Variants in CTNNA3 observed in about 807,000 individuals in gnomAD.
The protein encoded by CTNNA3 is catenin alpha 3, also known as catenin alpha-3.
In CTNNA3, 76 loss-of-function variants were observed where a neutral mutation model predicts 95.7. The ratio of observed to expected loss-of-function variants is 0.79; its 90% CI spans 0.66 to 0.96. CTNNA3 has a LOEUF of 0.96. CTNNA3 is among the 40% of genes least tolerant of loss of function. CTNNA3 has a pLI of 0.00. For missense variants in CTNNA3, 1,191 were observed against 1,089.8 expected (o/e 1.09, Z -1.31); for synonymous variants, 431 against 374.4 (o/e 1.15, Z -1.74).
chr10:66,651,648 G>GTGTCTGCC (rs1554830215), intron 9 of CTNNA3, among the ~76,000 whole-genome samples: 1 of 19,954 alleles, frequency 5.0e-5, no homozygotes, highest in African/African-American at 4.3e-4. Flanking sequence ...TTCCAGCGCA[G>GTGTCTGCC]TGCCCGCCGG....
intron 5 of CTNNA3, among the ~76,000 whole-genome samples, chr10:67,439,734 C>A (rs1216553578): frequency 3.9e-5 from 6 of 152,096 alleles, no homozygotes; most frequent in African/African-American, 1.2e-4. Flanking sequence ...GGGAACCTGC[C>A]CAGAAGGGAG....
intron 10 of CTNNA3, among the ~76,000 whole-genome samples, chr10:66,577,936 A>T (rs1843058226): frequency 6.6e-6 from 1 of 151,904 alleles, no homozygotes; most frequent in African/African-American, 2.4e-5. Context: ...AACAATTCTG[A>T]TTCTTCCTAT....
intron 13 of CTNNA3, among the ~76,000 whole-genome samples, chr10:66,179,980 T>A (rs1415608973): frequency 6.6e-6 from 1 of 152,162 alleles, no homozygotes; most frequent in African/African-American, 2.4e-5. Flanking sequence ...TTGCTTTTTT[T>A]CTATCTTAGA....
chr10:67,564,905 T>C (rs1176297972), intron 3 of CTNNA3, among the ~76,000 whole-genome samples: 3 of 110,096 alleles, frequency 2.7e-5, no homozygotes, highest in Admixed American at 8.7e-5. Context: ...AAAGTGGGCA[T>C]AGAAGGAATC....
intron 6 of CTNNA3, among the ~76,000 whole-genome samples, chr10:67,200,135 T>C (rs768165097): frequency 3.2e-4 from 48 of 152,184 alleles, no homozygotes; most frequent in Admixed American, 5.2e-4. Flanking sequence ...TGGGTCCTGA[T>C]GAAAACTAAT....
chr10:66,114,494 A>G (rs2082246364), intron 13 of CTNNA3, among the ~76,000 whole-genome samples: 1 of 146,752 alleles, frequency 6.8e-6, no homozygotes, highest in African/African-American at 2.5e-5. Context: ...ATGTGTATAT[A>G]TGTGTGCATA....
intron 15 of CTNNA3, among the ~76,000 whole-genome samples, chr10:66,044,944 C>T (rs914363672): frequency 2.0e-5 from 3 of 151,838 alleles, no homozygotes; most frequent in African/African-American, 7.2e-5. Context: ...ATTGATTTGT[C>T]CATACCACAG....
chr10:66,031,751 C>T (rs2079453005), intron 15 of CTNNA3, among the ~76,000 whole-genome samples: 1 of 152,004 alleles, frequency 6.6e-6, no homozygotes, highest in Non-Finnish European at 1.5e-5. Context: ...TATAAAATAA[C>T]CTTGCAGAGT....
intron 15 of CTNNA3, among the ~76,000 whole-genome samples, chr10:66,038,736 T>A (rs193262349): frequency 2.6e-5 from 4 of 152,212 alleles, no homozygotes; most frequent in African/African-American, 7.2e-5. Flanking sequence ...GAAGTTTCCC[T>A]GGATACCTCA....
At chr10:66,678,582 T>G (rs534400513) in intron 9 of CTNNA3, among the ~76,000 whole-genome samples, 90 of 152,102 alleles carry the variant, frequency 5.9e-4, no homozygotes, top group Non-Finnish European at 1.2e-3. Context: ...AAAGTCAAAG[T>G]TAGACAGGAA....
intron 9 of CTNNA3, among the ~76,000 whole-genome samples, chr10:66,749,548 T>A (rs949621247): frequency 6.6e-6 from 1 of 152,188 alleles, no homozygotes; most frequent in Admixed American, 6.5e-5. Flanking sequence ...GGTAGCTCAT[T>A]TTTTTGTGTT....
intron 13 of CTNNA3, among the ~76,000 whole-genome samples, chr10:66,154,458 G>A (rs2084371476): frequency 6.6e-6 from 1 of 151,438 alleles, no homozygotes. Flanking sequence ...ATCTTCTGCT[G>A]CAAAGGATGT....
chr10:67,262,020 T>C (rs1280749469), intron 5 of CTNNA3, among the ~76,000 whole-genome samples: 1 of 152,162 alleles, frequency 6.6e-6, no homozygotes, highest in African/African-American at 2.4e-5. Context: ...TAATACTCAA[T>C]ACACTTTAAT....
At chr10:66,098,217 T>C (rs1339231895) in intron 14 of CTNNA3, among the ~76,000 whole-genome samples, 1 of 152,188 alleles carries the variant, frequency 6.6e-6, no homozygotes, top group Non-Finnish European at 1.5e-5. Context: ...TTTATAATAT[T>C]GACTCTATAA....
intron 7 of CTNNA3, among the ~76,000 whole-genome samples, chr10:66,786,244 A>C (rs1840737235): frequency 6.6e-6 from 1 of 151,820 alleles, no homozygotes; most frequent in Non-Finnish European, 1.5e-5. Flanking sequence ...CTCTCCTCAA[A>C]TTACCAGCTT....
chr10:65,995,360 GTTTGATTCTGGGTGCA>G (rs1205046432), intron 15 of CTNNA3, among the ~76,000 whole-genome samples: 9 of 152,160 alleles, frequency 5.9e-5, no homozygotes, highest in Non-Finnish European at 1.3e-4. Flanking sequence ...GGACACTTTA[GTTTGATTCTGGGTGCA>G]TGCAGTAATG....
At chr10:66,968,417 TA>T (rs141136660) in intron 7 of CTNNA3, among the ~76,000 whole-genome samples, 26,138 of 149,568 alleles carry the variant, frequency 0.17, 2,427 homozygotes, top group African/African-American at 0.19. Context: ...GGAAAGAAAT[TA>T]AAAAAAAGAG....
intron 12 of CTNNA3, among the ~76,000 whole-genome samples, chr10:66,332,920 A>C (rs1010892909): frequency 6.6e-6 from 1 of 152,068 alleles, no homozygotes; most frequent in African/African-American, 2.4e-5. Context: ...TTATTGGTCT[A>C]TTCTGAAATT....
chr10:66,580,406 T>C (rs1843146561), intron 10 of CTNNA3, among the ~76,000 whole-genome samples: 1 of 151,784 alleles, frequency 6.6e-6, no homozygotes, highest in Non-Finnish European at 1.5e-5. Flanking sequence ...ACATTTATCA[T>C]TTCTTTGTGT....
Sources: gnomAD v4.1 joint callset for allele counts (sites outside exome capture counted in the v4.1 genomes callset) on GRCh38, gnomAD v4.1.1 for gene constraint, MANE v1.5 for transcripts, NCBI Gene and HGNC (gene_info 2026-07-23, HGNC 2026-07-21) for gene names.